Variants in PRRX1 observed in about 807,000 individuals in gnomAD.
The protein encoded by PRRX1 is paired mesoderm homeobox protein 1.
Under a neutral mutation model 24.0 loss-of-function variants are expected in PRRX1, and 8 were observed. The observed-to-expected ratio is 0.33, with a 90% CI of 0.20 to 0.60. The LOEUF is 0.60. PRRX1 is among the 20% of genes least tolerant of loss of function. The probability of loss-of-function intolerance (pLI) is 0.82; values close to 1 mark genes in which losing one functional copy is unlikely to be tolerated. For missense variants in PRRX1, 281 were observed against 322.4 expected (o/e 0.87, Z 0.98); for synonymous variants, 160 against 131.7 (o/e 1.22, Z -1.47).
chr1:170,700,891 G>A (rs773279713), intron 1 of PRRX1, among the ~76,000 whole-genome samples: 2 of 152,180 alleles, frequency 1.3e-5, no homozygotes, highest in Non-Finnish European at 2.9e-5. Context: ...ATGCTGGGCT[G>A]AGACAACATA....
intron 3 of PRRX1, chr1:170,730,287 C>G: frequency 1.9e-6 from 3 of 1,610,828 alleles, no homozygotes; most frequent in Non-Finnish European, 2.5e-6. Context: ...ATCCTCGTCC[C>G]TCCCAAGATG....
chr1:170,664,063 T>G, upstream of PRRX1: 1 of 708,286 alleles, frequency 1.4e-6, no homozygotes, highest in Non-Finnish European at 2.2e-6. Flanking sequence ...TTTTTGGCCT[T>G]CCTCTCCTTC....
intron 3 of PRRX1, among the ~76,000 whole-genome samples, chr1:170,735,819 T>A (rs143707113): frequency 1.3e-5 from 2 of 150,514 alleles, no homozygotes; most frequent in Non-Finnish European, 3.0e-5. Flanking sequence ...TCTTCCTCCC[T>A]TTCCTCACTC....
At chr1:170,731,749 A>C (rs1655446536) in intron 3 of PRRX1, among the ~76,000 whole-genome samples, 1 of 152,196 alleles carries the variant, frequency 6.6e-6, no homozygotes, top group South Asian at 2.1e-4. Context: ...GCTGTGTTGC[A>C]TCTGTTAGGA....
intron 3 of PRRX1, chr1:170,730,539 A>G: frequency 1.7e-6 from 1 of 574,150 alleles, no homozygotes; most frequent in South Asian, 2.1e-5. Flanking sequence ...ATACTAATCT[A>G]GAGCAGGGCT....
intron 1 of PRRX1, among the ~76,000 whole-genome samples, chr1:170,689,451 A>G (rs1462324182): frequency 6.6e-6 from 1 of 152,192 alleles, no homozygotes; most frequent in African/African-American, 2.4e-5. Flanking sequence ...GTTTTAAATC[A>G]TGGAATCTAT....
chr1:170,671,430 TCTC>T lies in PRRX1; in HGVS notation c.241+6975_241+6977del, dbSNP rs1420507840. ...AACACCCCCACCCCATCTTCGCAGT[TCTC>T]CTCTCTGCTGTAGCGACGCCAGGCG... On this transcript the variant is annotated intron_variant, in intron 1 of 3. Transcript: ENST00000239461. 2.6e-5 allele frequency among the ~76,000 whole-genome samples: 4 copies of T among 152,332 alleles called. No individual in the cohort carries two copies. In the South Asian group the frequency reaches 6.2e-4, roughly 24 times the overall value.
In PRRX1 at chr1:170,719,784, C is replaced by T; in HGVS notation, c.300C>T (p.Thr100=). 1 of 1,614,194 alleles carries T rather than the reference C, an allele frequency of 6.2e-7. No individual in the cohort carries two copies. Among genetic ancestry groups the T allele is most frequent in the Non-Finnish European group, 8.5e-7 (1 of 1,180,036 alleles). Residue 100 remains threonine (T), a synonymous_variant, in exon 2 of 4, where the codon ACC becomes ACT. Transcript: ENST00000239461. ...KKRKQRRNRT[T]FNSSQLQALE... is the part of the protein sequence containing the mutation. ...GAAAGCAGCGAAGGAATAGGACAAC[C>T]TTCAATAGCAGCCAGCTGCAGGCTT... is the stretch of plus-strand genomic sequence containing the variant.
At chr1:170,702,048 C>T (rs2101904993) in intron 1 of PRRX1, among the ~76,000 whole-genome samples, 1 of 152,284 alleles carries the variant, frequency 6.6e-6, no homozygotes, top group South Asian at 2.1e-4. Context: ...AATGAAACTT[C>T]CTCCTCGGCT....
At chr1:170,732,772 T>G (rs531545729) in intron 3 of PRRX1, among the ~76,000 whole-genome samples, 33 of 152,172 alleles carry the variant, frequency 2.2e-4, no homozygotes, top group Non-Finnish European at 4.3e-4. Flanking sequence ...TTTATACATT[T>G]CCTAAGCATT....
chr1:170,692,299 C>T (rs1654014693), intron 1 of PRRX1, among the ~76,000 whole-genome samples: 1 of 152,014 alleles, frequency 6.6e-6, no homozygotes, highest in African/African-American at 2.4e-5. Context: ...ATTTATTTTC[C>T]ATTGTTTCAA....
At position 170,726,322 on chromosome 1, in the gene PRRX1, G is replaced by A. The variant is rs748163693; in HGVS notation, c.520G>A (p.Ala174Thr). The change falls in exon 3 of 4, where the codon GCT (alanine) becomes ACT (threonine). Residue 174 changes from alanine to threonine, a missense_variant. Coordinates refer to ENST00000239461, the MANE Select transcript of PRRX1 (RefSeq NM_022716.4). Reference protein sequence around the residue: ...LLKSYSGDVTAVEQPIVPRPA... With the variant: ...LLKSYSGDVTTVEQPIVPRPA... ...CAAATCCTACTCAGGAGACGTGACT[G>A]CTGTGGAGCAGCCCATCGTACCTCG... 6.2e-7 allele frequency: 1 copy of A among 1,614,116 alleles called. No individual in the cohort carries two copies. The highest frequency in any genetic ancestry group is 8.5e-7 in the Non-Finnish European group (1 of 1,179,998).
At chr1:170,712,745 C>T (rs1348962764) in intron 1 of PRRX1, among the ~76,000 whole-genome samples, 2 of 152,180 alleles carry the variant, frequency 1.3e-5, no homozygotes, top group Admixed American at 1.3e-4. Flanking sequence ...AGTGAAACAT[C>T]TTATCCAAGG....
intron 1 of PRRX1, among the ~76,000 whole-genome samples, chr1:170,717,129 A>C (rs1025488086): frequency 6.6e-5 from 10 of 152,344 alleles, no homozygotes; most frequent in African/African-American, 2.2e-4. Context: ...CACCTTCAAC[A>C]TGATCTGAAC....
intron 1 of PRRX1, among the ~76,000 whole-genome samples, chr1:170,689,633 G>A (rs952532274): frequency 6.6e-6 from 1 of 152,008 alleles, no homozygotes; most frequent in South Asian, 2.1e-4. Flanking sequence ...TTCAGTTTAT[G>A]GTTCCAAGGT....
chr1:170,704,976 G>T (rs1654508614), intron 1 of PRRX1, among the ~76,000 whole-genome samples: 1 of 152,094 alleles, frequency 6.6e-6, no homozygotes, highest in African/African-American at 2.4e-5. Flanking sequence ...TAGTGGCTTT[G>T]GTCTGAACTT....
intron 1 of PRRX1, among the ~76,000 whole-genome samples, chr1:170,691,978 G>A (rs1470540397): frequency 2.6e-5 from 4 of 152,004 alleles, no homozygotes; most frequent in Non-Finnish European, 5.9e-5. Context: ...TTGTGTGCTT[G>A]GTACTGTGTT....
chr1:170,732,623 A>C (rs1258809429), intron 3 of PRRX1, among the ~76,000 whole-genome samples: 3 of 152,208 alleles, frequency 2.0e-5, no homozygotes, highest in African/African-American at 7.2e-5. Context: ...ATGTGTACAA[A>C]ATATTATTGG....
chr1:170,736,421 T>A lies in PRRX1; in HGVS notation c.*235T>A. 1.7e-6 allele frequency: 1 copy of A among 574,360 alleles called. No homozygotes were observed. Among genetic ancestry groups the A allele is most frequent in the South Asian group, 2.0e-5 (1 of 49,026 alleles). 35.6% of individuals were successfully genotyped at this position (574,360 alleles called of 1,614,324 possible). A position where few individuals can be genotyped will look rare whatever the true frequency, so the allele number is the denominator to read the frequency against. On this transcript the variant is annotated 3_prime_UTR_variant, in exon 4 of 4. Coordinates refer to ENST00000239461, the MANE Select transcript of PRRX1 (RefSeq NM_022716.4). Reference sequence around the variant, plus strand: ...CCACCACCACTTGTTTCTGTGTGTGTTTATTTTGTTTTTCTTTCATTCATG... The same window carrying A: ...CCACCACCACTTGTTTCTGTGTGTGATTATTTTGTTTTTCTTTCATTCATG...
Sources: allele counts gnomAD v4.1 joint callset (sites outside exome capture counted in the v4.1 genomes callset), GRCh38; gene constraint gnomAD v4.1.1; transcripts MANE v1.5; gene names NCBI Gene and HGNC (gene_info 2026-07-23, HGNC 2026-07-21).